Variants in ELMOD1 observed in about 807,000 individuals in gnomAD.
ELMOD1 encodes ELMO domain-containing protein 1.
A neutral mutation model predicts 46.7 loss-of-function variants in ELMOD1; 21 were observed. The ratio of observed to expected loss-of-function variants is 0.45; its 90% CI spans 0.32 to 0.65. ELMOD1 has a LOEUF of 0.65. Ranked by LOEUF, ELMOD1 falls within the 30% of genes least tolerant of loss-of-function variation. ELMOD1 has a pLI of 0.04. For missense variants in ELMOD1, 348 were observed against 407.8 expected (o/e 0.85, Z 1.26); for synonymous variants, 122 against 138.2 (o/e 0.88, Z 0.82).
At chr11:107,622,625 G>A (rs997596784) in intron 2 of ELMOD1, among the ~76,000 whole-genome samples, 6 of 152,222 alleles carry the variant, frequency 3.9e-5, no homozygotes, top group Non-Finnish European at 7.3e-5. Context: ...ATTCGGGCTA[G>A]ACTCCAAGTC....
intron 9 of ELMOD1, among the ~76,000 whole-genome samples, chr11:107,651,629 T>C (rs1244922936): frequency 2.0e-5 from 3 of 151,588 alleles, no homozygotes; most frequent in African/African-American, 7.3e-5. Context: ...ACTACAATCA[T>C]TTAGCTCTTT....
intron 6 of ELMOD1, chr11:107,643,087 A>G: frequency 5.1e-6 from 1 of 198,002 alleles, no homozygotes; most frequent in Non-Finnish European, 1.1e-5. Flanking sequence ...CACGCCTGTA[A>G]TCCCAGCAAT....
At chr11:107,615,229 CTTTT>C (rs34461488) in intron 1 of ELMOD1, among the ~76,000 whole-genome samples, 1 of 81,132 alleles carries the variant, frequency 1.2e-5, no homozygotes, top group Non-Finnish European at 2.1e-5. Flanking sequence ...TTGTCAGCAT[CTTTT>C]TTTTTTTTTT....
chr11:107,603,277 G>A (rs1293658476), intron 1 of ELMOD1, among the ~76,000 whole-genome samples: 3 of 152,208 alleles, frequency 2.0e-5, no homozygotes, highest in Admixed American at 6.5e-5. Context: ...AGTGGCTCAC[G>A]CCTGTGATCC....
At chr11:107,662,591 C>G (rs1866760061) in intron 11 of ELMOD1, among the ~76,000 whole-genome samples, 1 of 145,864 alleles carries the variant, frequency 6.9e-6, no homozygotes, top group South Asian at 2.2e-4. Flanking sequence ...GCCTGGGCAA[C>G]AAGAGCGAAA....
chr11:107,625,425 T>C, intron 2 of ELMOD1: 1 of 984,704 alleles, frequency 1.0e-6, no homozygotes, highest in Non-Finnish European at 1.2e-6. Context: ...TTAACTTTCA[T>C]TAGCACATTC....
intron 2 of ELMOD1, among the ~76,000 whole-genome samples, chr11:107,621,080 G>A (rs375213181): frequency 3.3e-5 from 5 of 152,130 alleles, no homozygotes; most frequent in African/African-American, 4.8e-5. Context: ...CATTTCCCTC[G>A]TTGGGATTTA....
chr11:107,642,432 G>C (rs1184236873), intron 6 of ELMOD1, among the ~76,000 whole-genome samples: 1 of 146,702 alleles, frequency 6.8e-6, no homozygotes, highest in African/African-American at 2.5e-5. Context: ...GCAGTGGCAC[G>C]ATCTCGGCTC....
At chr11:107,607,717 C>T (rs988811150) in intron 1 of ELMOD1, among the ~76,000 whole-genome samples, 3 of 152,116 alleles carry the variant, frequency 2.0e-5, no homozygotes, top group East Asian at 3.8e-4. Flanking sequence ...GAACCAAACT[C>T]GCTACAGGCT....
intron 6 of ELMOD1, among the ~76,000 whole-genome samples, chr11:107,637,834 C>T (rs1034945647): frequency 1.3e-5 from 2 of 152,166 alleles, no homozygotes; most frequent in South Asian, 4.1e-4. Context: ...TTAATTATGG[C>T]AGCAACCATT....
intron 1 of ELMOD1, among the ~76,000 whole-genome samples, chr11:107,594,537 T>C (rs1865460727): frequency 6.6e-6 from 1 of 152,260 alleles, no homozygotes; most frequent in Non-Finnish European, 1.5e-5. Flanking sequence ...TCTTGACTCA[T>C]ACCCTAAGTG....
rs897632292 is a variant in ELMOD1, at chr11:107,621,984, G to A, written c.17+3778G>A. On this transcript the variant is annotated intron_variant, in intron 2 of 11. Transcript: ENST00000265840. The stretch of plus-strand genomic sequence containing the variant: ...GGAGGTTGCAGTGAGCCGAGATCAC[G>A]CCACTGCACTCTAGCCTAGGTGACA... 4.6e-5 allele frequency among the ~76,000 whole-genome samples: 7 copies of A among 152,112 alleles called. No individual in the cohort carries two copies. The East Asian group carries it at 5.8e-4, about 13-fold the overall frequency.
At chr11:107,609,868 G>A (rs896034503) in intron 1 of ELMOD1, among the ~76,000 whole-genome samples, 1 of 151,984 alleles carries the variant, frequency 6.6e-6, no homozygotes, top group African/African-American at 2.4e-5. Flanking sequence ...TACAAATCAG[G>A]GGAACAGGTT....
At chr11:107,664,129 G>T (rs1309929887) in intron 11 of ELMOD1, among the ~76,000 whole-genome samples, 1 of 152,072 alleles carries the variant, frequency 6.6e-6, no homozygotes, top group African/African-American at 2.4e-5. Context: ...CTACAGGCAT[G>T]TGCCACCATG....
chr11:107,660,055 C>T (rs1384646907), intron 11 of ELMOD1, among the ~76,000 whole-genome samples: 1 of 152,102 alleles, frequency 6.6e-6, no homozygotes, highest in Non-Finnish European at 1.5e-5. Context: ...TGTATGTAGG[C>T]AGAGGGGCTC....
At chr11:107,627,395 T>G (rs1201970104) in intron 2 of ELMOD1, among the ~76,000 whole-genome samples, 1 of 152,248 alleles carries the variant, frequency 6.6e-6, no homozygotes, top group Non-Finnish European at 1.5e-5. Flanking sequence ...GAAATGATGC[T>G]TCATCCCTAA....
chr11:107,649,405 A>G (rs1475793234), intron 7 of ELMOD1, among the ~76,000 whole-genome samples: 1 of 152,206 alleles, frequency 6.6e-6, no homozygotes, highest in Non-Finnish European at 1.5e-5. Flanking sequence ...AGCCCCATAA[A>G]CAAAGTAAAA....
chr11:107,609,479 A>T (rs1409603807), intron 1 of ELMOD1, among the ~76,000 whole-genome samples: 1 of 152,216 alleles, frequency 6.6e-6, no homozygotes, highest in African/African-American at 2.4e-5. Flanking sequence ...AAGATTTTAA[A>T]GAAAGGAGTT....
chr11:107,613,017 TTCAA>T (rs1293527325), intron 1 of ELMOD1, among the ~76,000 whole-genome samples: 1 of 152,146 alleles, frequency 6.6e-6, no homozygotes, highest in Non-Finnish European at 1.5e-5. Flanking sequence ...ACTTTTCCCA[TTCAA>T]TCAGCAAGTC....
Sources: allele counts gnomAD v4.1 joint callset (sites outside exome capture counted in the v4.1 genomes callset), GRCh38; gene constraint gnomAD v4.1.1; transcripts MANE v1.5; gene names NCBI Gene and HGNC (gene_info 2026-07-23, HGNC 2026-07-21).